The following ADD1 variants were observed in gnomAD, a reference collection of about 807,000 sequenced individuals.
ADD1 encodes the protein adducin 1.
A neutral mutation model predicts 80.5 loss-of-function variants in ADD1; 24 were observed. The ratio of observed to expected loss-of-function variants is 0.30; its 90% CI spans 0.22 to 0.42. The LOEUF (loss-of-function observed/expected upper bound fraction) is 0.42. Among genes scored for constraint, ADD1 ranks in the 10% least tolerant of loss-of-function variants. The probability of loss-of-function intolerance (pLI) is 1.00; values close to 1 mark genes in which losing one functional copy is unlikely to be tolerated. For missense variants in ADD1, 948 were observed against 1,019.0 expected, an observed-to-expected ratio of 0.93 and a Z score of 0.95; for synonymous variants, 373 against 393.8, an observed-to-expected ratio of 0.95 and a Z score of 0.63.
chr4:2,891,022 C>T (rs1422287592), intron 4 of ADD1, among the ~76,000 whole-genome samples: 1 of 151,996 alleles, frequency 6.6e-6, no homozygotes, highest in Admixed American at 6.6e-5. Context: ...CAGTGACTCC[C>T]ACCTGTAATC....
In ADD1 at chr4:2,923,220, C is replaced by T. The variant is rs574294965; in HGVS notation, c.1949-2794C>T. 9.2e-5 allele frequency among the ~76,000 whole-genome samples: 14 copies of T among 152,306 alleles called. No individual in the cohort carries two copies. In the South Asian group the frequency reaches 1.9e-3, roughly 20 times the overall value. ...CTCCTGCAGCTAGCTCAGTGTCTGC[C>T]GAAACGGCTGCCCAGTTTTGTGCTT... On this transcript the variant is annotated intron_variant, in intron 14 of 15. Coordinates refer to ENST00000683351, the MANE Select transcript of ADD1 (RefSeq NM_001354761.2).
chr4:2,917,059 A>T lies in ADD1; in HGVS notation c.1948+2019A>T, dbSNP rs1739206574. ...CTTTGGTTATATACCCAGTAACGGG[A>T]TTGCTGGGTCAAATGGTATTTCTGG... On this transcript the variant is annotated intron_variant, in intron 14 of 15. Coordinates refer to ENST00000683351, the MANE Select transcript of ADD1 (RefSeq NM_001354761.2). Among the ~76,000 whole-genome samples the T allele has an allele frequency of 2.0e-5, 3 of 152,204 alleles. No individual in the cohort carries two copies. The South Asian group carries it at 6.2e-4, about 32-fold the overall frequency.
At chr4:2,881,611 A>G (rs1394638955) in intron 2 of ADD1, 1 of 260,728 alleles carries the variant, frequency 3.8e-6, no homozygotes, top group Non-Finnish European at 7.1e-6. Context: ...TAATACTGGA[A>G]TGAACATACA....
chr4:2,910,281 T>C (rs1458709187), intron 13 of ADD1, among the ~76,000 whole-genome samples: 1 of 151,922 alleles, frequency 6.6e-6, no homozygotes, highest in East Asian at 1.9e-4. Context: ...CACACCTTCA[T>C]TGAGATGCAT....
At chr4:2,912,931 G>A (rs748759210) in intron 13 of ADD1, among the ~76,000 whole-genome samples, 3 of 152,122 alleles carry the variant, frequency 2.0e-5, no homozygotes, top group Non-Finnish European at 4.4e-5. Context: ...CTCAACCTCC[G>A]CCTCCCACGT....
intron 1 of ADD1, among the ~76,000 whole-genome samples, chr4:2,865,080 ATTTCT>A (rs929573898): frequency 1.1e-4 from 16 of 152,004 alleles, no homozygotes; most frequent in Admixed American, 1.0e-3. Context: ...TTCTTCCTGC[ATTTCT>A]TTATGCAAAT....
intron 1 of ADD1, among the ~76,000 whole-genome samples, chr4:2,863,137 C>T (rs1729047875): frequency 6.6e-6 from 1 of 152,058 alleles, no homozygotes; most frequent in Non-Finnish European, 1.5e-5. Flanking sequence ...ACAGCCTCTA[C>T]TAGGCTCAAG....
At chr4:2,898,138 TG>T (rs1560211066) in intron 6 of ADD1, 45 bp from the exon 7 acceptor site, 1 of 1,580,588 alleles carries the variant, frequency 6.3e-7, no homozygotes. Flanking sequence ...TCAGTCATTG[TG>T]TAACCCCAGG....
chr4:2,928,711 C>G lies in ADD1; in HGVS notation c.*188C>G. 1.7e-6 allele frequency: 1 copy of G among 585,226 alleles called. No homozygotes were observed. The highest frequency in any genetic ancestry group is 2.4e-5 in the South Asian group (1 of 42,024). The allele number at this position is 585,226 out of a possible 1,614,324, so 36.3% of individuals were successfully genotyped here. A position where few individuals can be genotyped will look rare whatever the true frequency, so the allele number is the denominator to read the frequency against. ...GTGTGTGCTCAGCAGCCCCACCCCA[C>G]CCTGCCCCTTGTCCTCTCAGAGCCT... is the stretch of plus-strand genomic sequence containing the variant. On this transcript the variant is annotated 3_prime_UTR_variant, in exon 16 of 16. Transcript: ENST00000683351.
At chr4:2,903,742 C>G (rs1381870039) in intron 9 of ADD1, among the ~76,000 whole-genome samples, 1 of 152,168 alleles carries the variant, frequency 6.6e-6, no homozygotes, top group East Asian at 1.9e-4. Flanking sequence ...AGCTGGGGGC[C>G]TGGGGCCACT....
chr4:2,907,900 C>T (rs1737329764), intron 11 of ADD1, 56 bp downstream of exon 11: 1 of 1,434,850 alleles, frequency 7.0e-7, no homozygotes, highest in Non-Finnish European at 9.8e-7. Context: ...GAAGGGATGC[C>T]AGCTGCTTTG....
chr4:2,905,206 T>C, intron 10 of ADD1, 98 bp downstream of exon 10: 3 of 1,154,454 alleles, frequency 2.6e-6, no homozygotes, highest in Non-Finnish European at 3.8e-6. Flanking sequence ...CTGACCCAGG[T>C]GTAAAGCGAA....
Position 2,926,238 on chromosome 4 carries a change from G to T in ADD1, c.2047+126G>T, listed in dbSNP as rs751731790. 8.3e-6 allele frequency: 7 copies of T among 845,770 alleles called. No homozygotes were observed. Among genetic ancestry groups the T allele is most frequent in the Non-Finnish European group, 6.0e-6 (3 of 501,548 alleles). The allele number at this position is 845,770 out of a possible 1,614,324, so 52.4% of individuals were successfully genotyped here. A position where few individuals can be genotyped will look rare whatever the true frequency, so the allele number is the denominator to read the frequency against. ...TGTGTGCTTGCATCAGCGCCAGGAC[G>T]TGACACCTTTCTCCTCCTATATTGC... On this transcript the variant is annotated intron_variant, in intron 15 of 15. Coordinates refer to ENST00000683351, the MANE Select transcript of ADD1 (RefSeq NM_001354761.2). The surrounding 1 kb of genome is among the most constrained non-coding windows in gnomAD (Gnocchi z 5.0).
At chr4:2,894,438 T>A in intron 5 of ADD1, 144 bp from the exon 6 acceptor site, 1 of 728,346 alleles carries the variant, frequency 1.4e-6, no homozygotes. Flanking sequence ...GGAGGATTGT[T>A]TGAACCTGGG....
intron 11 of ADD1, 50 bp downstream of exon 11, chr4:2,907,894 G>C: frequency 1.4e-6 from 2 of 1,464,870 alleles, no homozygotes; most frequent in Non-Finnish European, 1.9e-6. Flanking sequence ...GGATTGGAAG[G>C]GATGCCAGCT....
At chr4:2,847,417 A>AC in intron 1 of ADD1, among the ~76,000 whole-genome samples, 1 of 151,634 alleles carries the variant, frequency 6.6e-6, no homozygotes, top group Non-Finnish European at 1.5e-5. Context: ...TCAAAAAAAA[A>AC]AAGGAAGTAA....
intron 1 of ADD1, among the ~76,000 whole-genome samples, chr4:2,851,643 A>G (rs183532344): frequency 4.6e-5 from 7 of 152,356 alleles, no homozygotes; most frequent in African/African-American, 1.7e-4. Flanking sequence ...TTGTTGCCAG[A>G]TGATACCATT....
intron 1 of ADD1, among the ~76,000 whole-genome samples, chr4:2,874,759 T>C (rs1455446365): frequency 6.6e-6 from 1 of 152,200 alleles, no homozygotes; most frequent in Non-Finnish European, 1.5e-5. Context: ...AATAAAAATA[T>C]CTTTTTTGCA....
intron 4 of ADD1, among the ~76,000 whole-genome samples, chr4:2,887,202 G>C (rs2108964908): frequency 6.6e-6 from 1 of 152,220 alleles, no homozygotes; most frequent in Middle Eastern, 3.4e-3. Context: ...AAAGGTTTTG[G>C]TTTATTTTGT....
Sources: allele counts gnomAD v4.1 joint callset (sites outside exome capture counted in the v4.1 genomes callset), GRCh38; gene constraint gnomAD v4.1.1; non-coding constraint Gnocchi (gnomAD v3.1); transcripts MANE v1.5; gene names NCBI Gene and HGNC (gene_info 2026-07-23, HGNC 2026-07-21).